Variants in WNK3 observed in about 807,000 individuals in gnomAD.
WNK3 encodes serine/threonine-protein kinase WNK3.
WNK3 carries 18 observed loss-of-function variants against 116.7 expected under a neutral mutation model. That is an observed-to-expected ratio of 0.15 (90% confidence interval 0.11 to 0.23). The LOEUF is 0.23. WNK3 is among the 10% of genes least tolerant of loss of function. The probability of loss-of-function intolerance (pLI) is 1.00; values close to 1 mark genes in which losing one functional copy is unlikely to be tolerated. For missense variants in WNK3, 993 were observed against 1,323.8 expected (o/e 0.75, Z 3.88); for synonymous variants, 404 against 469.4 (o/e 0.86, Z 1.80).
At chrX:54,226,959 A>G (rs2067850998) in intron 22 of WNK3, among the ~76,000 whole-genome samples, 1 of 112,100 alleles carries the variant, frequency 8.9e-6, no homozygotes, top group African/African-American at 3.2e-5. Flanking sequence ...TATAGAGTCA[A>G]TGGTGAGCCA....
At chrX:54,242,091 A>G (rs1413986970) in intron 17 of WNK3, among the ~76,000 whole-genome samples, 1 of 111,988 alleles carries the variant, frequency 8.9e-6, no homozygotes, top group East Asian at 2.8e-4. Context: ...GAGCTAATAA[A>G]CAAACTCAGT....
At chrX:54,275,415 A>ATG (rs782672834) in intron 10 of WNK3, among the ~76,000 whole-genome samples, 9,794 of 64,150 alleles carry the variant, frequency 0.15, 966 homozygotes, top group Admixed American at 0.19. Context: ...ATAAGTTCAT[A>ATG]TGTGTGTGTG....
chrX:54,206,268 T>C (rs1442557778), intron 22 of WNK3, among the ~76,000 whole-genome samples: 1 of 110,597 alleles, frequency 9.0e-6, no homozygotes, highest in African/African-American at 3.3e-5. Flanking sequence ...CACACACCAG[T>C]AGTCCCAGCT....
chrX:54,336,820 T>C (rs1440305754), intron 1 of WNK3, among the ~76,000 whole-genome samples: 1 of 111,234 alleles, frequency 9.0e-6, no homozygotes, highest in Admixed American at 9.7e-5. Context: ...TCTGAATGAA[T>C]ATGGCTGTGA....
At chrX:54,337,338 G>T (rs2069252728) in intron 1 of WNK3, among the ~76,000 whole-genome samples, 1 of 110,275 alleles carries the variant, frequency 9.1e-6, no homozygotes, top group African/African-American at 3.3e-5. Flanking sequence ...AAGGTGGGTG[G>T]ATCATGAGGT....
At chrX:54,351,861 G>A (rs188403743) in intron 1 of WNK3, among the ~76,000 whole-genome samples, 4 of 110,209 alleles carry the variant, frequency 3.6e-5, no homozygotes, top group Admixed American at 2.0e-4. Flanking sequence ...GCAGTGAGCC[G>A]AGATCTCACC....
chrX:54,344,298 C>T (rs1557176972), intron 1 of WNK3, among the ~76,000 whole-genome samples: 1 of 110,418 alleles, frequency 9.1e-6, no homozygotes, highest in East Asian at 2.9e-4. Context: ...AAAAAATTAG[C>T]CGGGCGTCGT....
chrX:54,213,553 C>CAAAAAAAAAAAAAAAAAAA (rs782580375), intron 22 of WNK3, among the ~76,000 whole-genome samples: 208 of 14,199 alleles, frequency 0.015, 6 homozygotes, highest in Non-Finnish European at 0.021. Flanking sequence ...GACTCCGTCT[C>CAAAAAAAAAAAAAAAAAAA]AAAAAAAAAA....
In WNK3 at chrX:54,232,955, C is replaced by T. The variant is rs1192392222; in HGVS notation, c.4694G>A (p.Arg1565His). 9 of 1,208,073 alleles carry T rather than the reference C, an allele frequency of 7.4e-6. No homozygotes were observed. The highest frequency in any genetic ancestry group is 1.0e-5 in the Non-Finnish European group (9 of 894,585). ...TTTGCTATCTTTAATTGACCGAAGG[C>T]GTTCATAGAGCTCCTGCAGCTCCTT... The change falls in exon 21 of 24, where the codon CGC (arginine) becomes CAC (histidine). Residue 1565 changes from arginine (R) to histidine (H), a missense_variant. Transcript: ENST00000354646.
chrX:54,297,938 T>C (rs1006841411), intron 7 of WNK3, among the ~76,000 whole-genome samples: 1 of 109,884 alleles, frequency 9.1e-6, no homozygotes, highest in Non-Finnish European at 1.9e-5. Context: ...CCGGGCGTGG[T>C]GGCGGGCTCC....
At chrX:54,291,004 A>G (rs2068631797) in intron 10 of WNK3, among the ~76,000 whole-genome samples, 1 of 111,917 alleles carries the variant, frequency 8.9e-6, no homozygotes. Context: ...TCTAAAGGCT[A>G]TACCTCAAAC....
At chrX:54,295,784 C>A (rs971849106) in intron 7 of WNK3, among the ~76,000 whole-genome samples, 54 of 111,633 alleles carry the variant, frequency 4.8e-4, no homozygotes, top group African/African-American at 1.7e-3. Context: ...ACCTCCCAGG[C>A]TCAAGTGATC....
chrX:54,202,625 A>C (rs1300399074), intron 22 of WNK3, among the ~76,000 whole-genome samples: 6 of 107,994 alleles, frequency 5.6e-5, no homozygotes, highest in African/African-American at 1.0e-4. Flanking sequence ...CGGGAGGCGG[A>C]GGTTGCAGTG....
chrX:54,299,405 C>T (rs1185986236), intron 6 of WNK3, among the ~76,000 whole-genome samples: 1 of 106,600 alleles, frequency 9.4e-6, no homozygotes, highest in Admixed American at 1.0e-4. Context: ...AAAAGTTGCT[C>T]AAATGAATTA....
At chrX:54,277,143 C>T (rs76549991) in intron 10 of WNK3, among the ~76,000 whole-genome samples, 1 of 111,008 alleles carries the variant, frequency 9.0e-6, no homozygotes. Context: ...CTTGTCCCCC[C>T]TAAGACTCGG....
chrX:54,205,721 T>C, intron 22 of WNK3, among the ~76,000 whole-genome samples: 1 of 112,413 alleles, frequency 8.9e-6, no homozygotes, highest in East Asian at 2.8e-4. Flanking sequence ...AGCAGGATCA[T>C]TTATTTACTG....
At chrX:54,290,275 GA>G (rs111668722) in intron 10 of WNK3, among the ~76,000 whole-genome samples, 17,716 of 98,025 alleles carry the variant, frequency 0.18, 3,376 homozygotes, top group African/African-American at 0.55. Flanking sequence ...GACTCTGTCT[GA>G]AAAAAAAAAA....
chrX:54,302,748 T>TAC (rs2068776512), intron 5 of WNK3, among the ~76,000 whole-genome samples: 1 of 45,211 alleles, frequency 2.2e-5, no homozygotes, highest in Non-Finnish European at 4.1e-5. Context: ...TATATATATA[T>TAC]ATATATATAT....
intron 2 of WNK3, among the ~76,000 whole-genome samples, chrX:54,328,103 A>T (rs1238146374): frequency 9.0e-6 from 1 of 110,796 alleles, no homozygotes; most frequent in Admixed American, 9.8e-5. Context: ...CAAATTGATA[A>T]GACAAAAGTA....
Sources: gnomAD v4.1 joint callset for allele counts (sites outside exome capture counted in the v4.1 genomes callset) on GRCh38, gnomAD v4.1.1 for gene constraint, MANE v1.5 for transcripts, NCBI Gene and HGNC (gene_info 2026-07-23, HGNC 2026-07-21) for gene names.